LIPM: variants seen among roughly 807,000 people sequenced by gnomAD.
LIPM encodes lipase family member M, also known as lipase member M.
In LIPM, 42 loss-of-function variants were observed where a neutral mutation model predicts 42.4. That is an observed-to-expected ratio of 0.99 (90% CI 0.77 to 1.28). LIPM has a LOEUF of 1.28. LIPM is among the 50% of genes most tolerant of loss of function. LIPM has a pLI of 0.00. For synonymous variants in LIPM, 177 were observed against 173.3 expected, an observed-to-expected ratio of 1.02 and a Z score of -0.17; for missense variants, 524 against 520.1, an observed-to-expected ratio of 1.01 and a Z score of -0.07.
intron 3 of LIPM, among the ~76,000 whole-genome samples, chr10:88,814,063 C>G: frequency 6.6e-6 from 1 of 152,130 alleles, no homozygotes; most frequent in East Asian, 1.9e-4. Flanking sequence ...TAGGGACCAT[C>G]GATTTGACTT....
At chr10:88,818,133 G>A (rs770714826) in intron 8 of LIPM, among the ~76,000 whole-genome samples, 7 of 152,142 alleles carry the variant, frequency 4.6e-5, no homozygotes, top group Non-Finnish European at 1.0e-4. Context: ...CCTAAACAAG[G>A]TACTGGGCTT....
intron 1 of LIPM, among the ~76,000 whole-genome samples, chr10:88,805,201 G>T (rs1488174386): frequency 6.6e-6 from 1 of 152,192 alleles, no homozygotes; most frequent in African/African-American, 2.4e-5. Context: ...TTATAGTCCA[G>T]CAGGAAGGAC....
Position 88,808,161 on chromosome 10 carries a change from A to T in LIPM, c.148-137A>T, listed in dbSNP as rs546438237. On this transcript the variant is annotated intron_variant, in intron 1 of 8. Transcript: ENST00000404743. ...TAGAGAGGGTTAGCAGATTTTTCTA[A>T]GGTAACATGATTAGCTAGGGAAAAG... 695 of 592,094 alleles carry T rather than the reference A, an allele frequency of 1.2e-3. 4 individuals are homozygous for T. In the South Asian group the frequency reaches 0.014, roughly 12 times the overall value. The allele number at this position is 592,094 out of a possible 1,614,324, so 36.7% of individuals were successfully genotyped here. A position where few individuals can be genotyped will look rare whatever the true frequency, so the allele number is the denominator to read the frequency against.
rs1843736843 is a variant in LIPM at position 88,817,897 on chromosome 10, G to A, written c.1002+1G>A. On this transcript the variant is annotated splice_donor_variant, in intron 8 of 8. Coordinates refer to ENST00000404743, the MANE Select transcript of LIPM (RefSeq NM_001128215.1). LOFTEE classifies it high-confidence loss of function. ...CAAAAATCTGGAAAAATGCAATCAGGTAAGAAAATCAAATACCATCTGCTG... is the reference window on the plus strand; with the variant it reads ...CAAAAATCTGGAAAAATGCAATCAGATAAGAAAATCAAATACCATCTGCTG... 1.9e-6 allele frequency: 3 copies of A among 1,549,758 alleles called. No homozygotes were observed. Among genetic ancestry groups the A allele is most frequent in the Non-Finnish European group, 2.6e-6 (3 of 1,145,368 alleles).
chr10:88,809,175 G>T (rs1373474572), intron 2 of LIPM, among the ~76,000 whole-genome samples: 1 of 151,854 alleles, frequency 6.6e-6, no homozygotes, highest in Non-Finnish European at 1.5e-5. Flanking sequence ...GGCTGGTCTT[G>T]AACTCCCGAC....
intron 2 of LIPM, among the ~76,000 whole-genome samples, chr10:88,811,408 T>A (rs1843655082): frequency 6.6e-6 from 1 of 152,170 alleles, no homozygotes; most frequent in Admixed American, 6.6e-5. Flanking sequence ...AATACTGAGG[T>A]GTGGATATTG....
At chr10:88,806,525 G>A (rs1368419565) in intron 1 of LIPM, among the ~76,000 whole-genome samples, 1 of 152,168 alleles carries the variant, frequency 6.6e-6, no homozygotes, top group Non-Finnish European at 1.5e-5. Flanking sequence ...CTGAAGGATA[G>A]TTGTCAGATC....
In LIPM at chr10:88,802,893, G is replaced by A. The variant is rs147881183; in HGVS notation, c.-4G>A. 77 of 1,537,746 alleles carry A rather than the reference G, an allele frequency of 5.0e-5. No homozygotes were observed. In the African/African-American group the frequency reaches 1.0e-3, roughly 20 times the overall value. ...CAGGAAAAAATAAATGCAGATGTTGGACCATGTTGGAAACCTTGTCAAGAC... is the reference window on the plus strand; with the variant it reads ...CAGGAAAAAATAAATGCAGATGTTGAACCATGTTGGAAACCTTGTCAAGAC... On this transcript the variant is annotated 5_prime_UTR_variant, in exon 1 of 9. Coordinates refer to ENST00000404743, the MANE Select transcript of LIPM (RefSeq NM_001128215.1).
At chr10:88,814,384 A>C in intron 3 of LIPM, 146 bp from the exon 4 acceptor site, 5 of 609,354 alleles carry the variant, frequency 8.2e-6, no homozygotes, top group Non-Finnish European at 1.5e-5. Context: ...GTTTGAAAGA[A>C]ATCCATTCTG....
chr10:88,812,264 T>C (rs1000423386), intron 2 of LIPM, among the ~76,000 whole-genome samples: 3 of 152,220 alleles, frequency 2.0e-5, no homozygotes, highest in African/African-American at 4.8e-5. Flanking sequence ...CCAATACTGA[T>C]AATAACTTTA....
chr10:88,815,336 T>C, intron 5 of LIPM, 21 bp from the exon 6 acceptor site: 3 of 1,551,318 alleles, frequency 1.9e-6, no homozygotes, highest in South Asian at 1.2e-5. Context: ...GTCATGTCTA[T>C]GTCACTTCAT....
chr10:88,818,860 G>A (rs1843750423), intron 8 of LIPM, among the ~76,000 whole-genome samples: 1 of 152,076 alleles, frequency 6.6e-6, no homozygotes, highest in African/African-American at 2.4e-5. Flanking sequence ...TTTAGAGAAA[G>A]TATTTCTGTT....
At chr10:88,808,437 C>T (rs1029797251) in intron 2 of LIPM, 22 bp downstream of exon 2, 56 of 1,298,492 alleles carry the variant, frequency 4.3e-5, no homozygotes, top group South Asian at 7.6e-5. Context: ...CCCATGTCAC[C>T]GCAACACAGC....
rs1277384847 is a variant in LIPM, at chr10:88,809,182, C to T, written c.265+767C>T. On this transcript the variant is annotated intron_variant, in intron 2 of 8. Transcript: ENST00000404743. Reference sequence around the variant, plus strand: ...GTTGGTCAGGCTGGTCTTGAACTCCCGACCTCAGGTGATCCACCCGCCTCC... The same window carrying T: ...GTTGGTCAGGCTGGTCTTGAACTCCTGACCTCAGGTGATCCACCCGCCTCC... Among the ~76,000 whole-genome samples the T allele has an allele frequency of 7.2e-5, 11 of 151,858 alleles. 1 individual carries two copies. The highest frequency in any genetic ancestry group is 3.4e-3 in the Middle Eastern group (1 of 294).
rs758555172 is a variant in LIPM, at chr10:88,814,572, C to T, written c.507C>T (p.Asn169=). Residue 169 remains asparagine (N), a synonymous_variant, in exon 4 of 9, where the codon AAC becomes AAT. Coordinates refer to ENST00000404743, the MANE Select transcript of LIPM (RefSeq NM_001128215.1). ...MARFDLPAVI[N]FILQKTGQEK... is the part of the protein sequence containing the mutation. ...GGTTTGACCTTCCTGCAGTGATAAACTTTATTTTGCAGAAAACGGGCCAGG... is the reference window on the plus strand; with the variant it reads ...GGTTTGACCTTCCTGCAGTGATAAATTTTATTTTGCAGAAAACGGGCCAGG... 6.4e-6 allele frequency: 10 copies of T among 1,551,498 alleles called. No homozygotes were observed. The South Asian group carries it at 8.3e-5, about 13-fold the overall frequency.
intron 1 of LIPM, among the ~76,000 whole-genome samples, chr10:88,803,875 T>G (rs79999452): frequency 1.3e-5 from 2 of 152,140 alleles, no homozygotes; most frequent in East Asian, 3.9e-4. Flanking sequence ...AATTCAGGAC[T>G]GCCTAAACAC....
chr10:88,806,427 T>C (rs1394994999), intron 1 of LIPM, among the ~76,000 whole-genome samples: 2 of 152,172 alleles, frequency 1.3e-5, no homozygotes, highest in South Asian at 2.1e-4. Context: ...ACATTACACA[T>C]ATCCTCTCAA....
chr10:88,814,408 A>T (rs1039459198), intron 3 of LIPM, 122 bp from the exon 4 acceptor site: 1 of 649,954 alleles, frequency 1.5e-6, no homozygotes, highest in African/African-American at 1.8e-5. Context: ...GTTGTGAGGG[A>T]CACGGTAACA....
chr10:88,802,992 T>C lies in LIPM; in HGVS notation c.96T>C (p.Asn32=). The change falls in exon 1 of 9, where the codon AAT becomes AAC. Residue 32 remains asparagine, a synonymous_variant. Transcript: ENST00000404743. The part of the protein sequence containing the change: ...LVAYMFQRNV[N]SVHMPTKAVD... ...CGTATATGTTCCAGAGAAATGTGAA[T>C]TCAGTACATATGCCAACTAAAGCTG... is the stretch of plus-strand genomic sequence containing the variant. 1.3e-6 allele frequency: 2 copies of C among 1,551,574 alleles called. No homozygotes were observed. The highest frequency in any genetic ancestry group is 8.7e-7 in the Non-Finnish European group (1 of 1,146,740).
Sources: allele counts gnomAD v4.1 joint callset (sites outside exome capture counted in the v4.1 genomes callset), GRCh38; gene constraint gnomAD v4.1.1; transcripts MANE v1.5; gene names NCBI Gene and HGNC (gene_info 2026-07-23, HGNC 2026-07-21).